Variants in SLC39A12 observed in about 807,000 individuals in gnomAD.
SLC39A12 encodes the protein zinc transporter ZIP12.
A neutral mutation model predicts 71.1 loss-of-function variants in SLC39A12; 63 were observed. That is an observed-to-expected ratio of 0.89 (90% CI 0.72 to 1.09). The LOEUF (loss-of-function observed/expected upper bound fraction) is 1.09, where lower values mean the gene tolerates loss of function less well. SLC39A12 is among the 50% of genes least tolerant of loss of function. The pLI is 0.00. For synonymous variants in SLC39A12, 351 were observed against 301.3 expected, an observed-to-expected ratio of 1.16 and a Z score of -1.71; for missense variants, 892 against 812.6, an observed-to-expected ratio of 1.10 and a Z score of -1.19.
At chr10:17,973,554 A>C (rs1835028383) in intron 4 of SLC39A12, among the ~76,000 whole-genome samples, 1 of 152,166 alleles carries the variant, frequency 6.6e-6, no homozygotes, top group Admixed American at 6.5e-5. Context: ...TAAATATGTT[A>C]TGCCACTCTC....
chr10:17,995,630 A>G, intron 9 of SLC39A12, 26 bp from the exon 10 acceptor site: 2 of 1,602,002 alleles, frequency 1.2e-6, no homozygotes, highest in East Asian at 2.2e-5. Flanking sequence ...CTTATCTTTC[A>G]TCAGTTATTT....
At chr10:18,004,773 T>A (rs1473296675) in intron 12 of SLC39A12, among the ~76,000 whole-genome samples, 3 of 152,164 alleles carry the variant, frequency 2.0e-5, no homozygotes, top group Non-Finnish European at 4.4e-5. Flanking sequence ...ATCATTCTAT[T>A]ATAAAGATAC....
At chr10:18,016,845 G>C (rs1393562787) in intron 12 of SLC39A12, among the ~76,000 whole-genome samples, 1 of 151,986 alleles carries the variant, frequency 6.6e-6, no homozygotes, top group East Asian at 1.9e-4. Flanking sequence ...CATCTTCTTT[G>C]GGGAGTCTCT....
chr10:18,026,969 A>C (rs1302732011), intron 12 of SLC39A12, among the ~76,000 whole-genome samples: 1 of 152,202 alleles, frequency 6.6e-6, no homozygotes, highest in Non-Finnish European at 1.5e-5. Flanking sequence ...ATAATGTTTT[A>C]AAACTCCTGA....
At chr10:18,008,594 T>G (rs1402787685) in intron 12 of SLC39A12, 1 of 152,170 alleles carries the variant, frequency 6.6e-6, no homozygotes, top group South Asian at 2.1e-4. Flanking sequence ...ATGAAACCAG[T>G]CCCTGGTGCC....
chr10:18,037,653 G>C (rs1380943555), intron 12 of SLC39A12, among the ~76,000 whole-genome samples: 4 of 152,100 alleles, frequency 2.6e-5, no homozygotes, highest in African/African-American at 9.7e-5. Flanking sequence ...TAAATGAAAG[G>C]CAAATAAAAT....
intron 12 of SLC39A12, among the ~76,000 whole-genome samples, chr10:18,014,203 T>A (rs1829899539): frequency 6.6e-6 from 1 of 152,192 alleles, no homozygotes; most frequent in Non-Finnish European, 1.5e-5. Flanking sequence ...AGGTATTTTC[T>A]TCTTTTTGAT....
chr10:17,959,775 G>T (rs188898142), intron 2 of SLC39A12, among the ~76,000 whole-genome samples: 1 of 152,090 alleles, frequency 6.6e-6, no homozygotes, highest in Non-Finnish European at 1.5e-5. Flanking sequence ...ACATTTATCC[G>T]AATCCCTTAT....
intron 10 of SLC39A12, 62 bp downstream of exon 10, chr10:17,995,784 T>C: frequency 7.0e-7 from 1 of 1,429,794 alleles, no homozygotes; most frequent in Non-Finnish European, 9.7e-7. Flanking sequence ...ATGTCTGTTT[T>C]AAAATAAAAT....
chr10:17,971,007 TGAAAG>T (rs1181914926), intron 4 of SLC39A12, among the ~76,000 whole-genome samples: 3 of 152,142 alleles, frequency 2.0e-5, no homozygotes, highest in African/African-American at 7.2e-5. Flanking sequence ...GTTTTTATCA[TGAAAG>T]GATGTTGAAT....
intron 4 of SLC39A12, among the ~76,000 whole-genome samples, chr10:17,967,748 G>C (rs1465870328): frequency 6.6e-6 from 1 of 151,658 alleles, no homozygotes; most frequent in South Asian, 2.1e-4. Flanking sequence ...TAAGCCAGGC[G>C]TGATGGCGGG....
At chr10:18,036,943 T>C (rs1020361919) in intron 12 of SLC39A12, among the ~76,000 whole-genome samples, 1 of 151,458 alleles carries the variant, frequency 6.6e-6, no homozygotes, top group Non-Finnish European at 1.5e-5. Context: ...CCCGCCACCA[T>C]GCCTGGCTAA....
intron 2 of SLC39A12, among the ~76,000 whole-genome samples, 172 bp from the exon 3 acceptor site, chr10:17,961,409 G>A (rs10827920): frequency 0.055 from 8,422 of 152,242 alleles, 317 homozygotes; most frequent in South Asian, 0.094. Flanking sequence ...TCCCTAGACA[G>A]GCATCATTGT....
chr10:17,993,179 AG>A lies in SLC39A12; in HGVS notation c.1423-1del. On this transcript the variant is annotated splice_acceptor_variant, in intron 8 of 12. Transcript: ENST00000377369. LOFTEE classifies it high-confidence loss of function. ...CACTAATTTTAAACCATCCTCATCC[AG>A]CAGGGCCTGTCATTGGTTAATGGGC... 6 of 1,549,044 alleles carry A rather than the reference AG, an allele frequency of 3.9e-6. No individual in the cohort carries two copies. The highest frequency in any genetic ancestry group is 5.2e-6 in the Non-Finnish European group (6 of 1,144,816).
chr10:18,000,945 T>C, intron 11 of SLC39A12, 120 bp downstream of exon 11: 2 of 985,172 alleles, frequency 2.0e-6, no homozygotes. Context: ...ACTTTCCTTT[T>C]ATAATTTATT....
intron 10 of SLC39A12, among the ~76,000 whole-genome samples, chr10:17,997,291 A>T (rs1564651219): frequency 6.6e-6 from 1 of 152,216 alleles, no homozygotes; most frequent in Non-Finnish European, 1.5e-5. Flanking sequence ...TACTACTAAG[A>T]CCAAACACCA....
At chr10:17,994,259 G>T (rs1287314163) in intron 9 of SLC39A12, among the ~76,000 whole-genome samples, 1 of 152,164 alleles carries the variant, frequency 6.6e-6, no homozygotes, top group Non-Finnish European at 1.5e-5. Context: ...AGGTACCTTA[G>T]TGAGTCTTGA....
intron 12 of SLC39A12, among the ~76,000 whole-genome samples, chr10:18,011,965 T>C (rs146635185): frequency 2.6e-5 from 4 of 152,350 alleles, no homozygotes; most frequent in African/African-American, 9.6e-5. Flanking sequence ...CCGGGTTGGC[T>C]ATCCCATATA....
intron 6 of SLC39A12, among the ~76,000 whole-genome samples, chr10:17,985,374 A>C (rs919313788): frequency 6.6e-6 from 1 of 152,192 alleles, no homozygotes; most frequent in Non-Finnish European, 1.5e-5. Flanking sequence ...ATCTAATTTA[A>C]AGAATGAACC....
Sources: gnomAD v4.1 joint callset for allele counts (sites outside exome capture counted in the v4.1 genomes callset) on GRCh38, gnomAD v4.1.1 for gene constraint, MANE v1.5 for transcripts, NCBI Gene and HGNC (gene_info 2026-07-23, HGNC 2026-07-21) for gene names.